Variants in UGT1A6 observed in about 807,000 individuals in gnomAD.
UGT1A6 encodes the protein UDP glucuronosyltransferase family 1 member A6.
In UGT1A6, 32 loss-of-function variants were observed where a neutral mutation model predicts 44.4. That is an observed-to-expected ratio of 0.72 (90% CI 0.54 to 0.97). UGT1A6 has a LOEUF of 0.97. UGT1A6 is among the 50% of genes least tolerant of loss of function. The probability of loss-of-function intolerance (pLI) is 0.00; values close to 1 mark genes in which losing one functional copy is unlikely to be tolerated. For missense variants in UGT1A6, 685 were observed against 661.9 expected (o/e 1.03, Z -0.38); for synonymous variants, 238 against 248.5 (o/e 0.96, Z 0.40).
intron 1 of UGT1A6, among the ~76,000 whole-genome samples, chr2:233,761,379 G>A (rs1697758727): frequency 6.6e-6 from 1 of 152,206 alleles, no homozygotes; most frequent in African/African-American, 2.4e-5. Context: ...ATTTTACTCT[G>A]TGTGCTCCAG....
intron 1 of UGT1A6, chr2:233,722,037 T>C (rs1179266679): frequency 1.2e-5 from 3 of 240,304 alleles, no homozygotes; most frequent in African/African-American, 2.3e-5. Flanking sequence ...AATTGCATGA[T>C]TTTGTGGTGT....
chr2:233,693,783 T>C lies in UGT1A6; in HGVS notation c.779T>C (p.Val260Ala), dbSNP rs1575450823. The C allele has an allele frequency of 6.2e-7, 1 of 1,614,230 alleles. No homozygotes were observed. The highest frequency in any genetic ancestry group is 1.7e-5 in the Admixed American group (1 of 60,024). Residue 260 changes from valine to alanine, a missense_variant, in exon 1 of 5, where the codon GTG becomes GCG. Coordinates refer to ENST00000305139, the MANE Select transcript of UGT1A6 (RefSeq NM_001072.4). ...GTTTGGCTGTTAAGATATGACTTTG[T>C]GCTTGAATATCCTAGGCCGGTCATG... ...VSVWLLRYDF[V>A]LEYPRPVMPN...
intron 1 of UGT1A6, among the ~76,000 whole-genome samples, chr2:233,761,459 C>T (rs974462920): frequency 3.9e-5 from 6 of 152,156 alleles, no homozygotes; most frequent in African/African-American, 1.4e-4. Context: ...TTTGGGGCAC[C>T]CTGCAGAAAA....
chr2:233,737,046 A>C (rs1237112865), intron 1 of UGT1A6, among the ~76,000 whole-genome samples: 1 of 152,204 alleles, frequency 6.6e-6, no homozygotes, highest in Non-Finnish European at 1.5e-5. Context: ...CAAATGCCAT[A>C]CTAGGAGAAC....
At chr2:233,754,017 T>C (rs1254861079) in intron 1 of UGT1A6, among the ~76,000 whole-genome samples, 1 of 152,250 alleles carries the variant, frequency 6.6e-6, no homozygotes, top group African/African-American at 2.4e-5. Flanking sequence ...ACAGCCATGA[T>C]AGGAAACGAA....
intron 1 of UGT1A6, chr2:233,721,879 C>T (rs2076978757): frequency 2.0e-6 from 1 of 493,898 alleles, no homozygotes; most frequent in South Asian, 1.5e-5. Flanking sequence ...ACTTGCCAGC[C>T]CCTCCATTGC....
chr2:233,753,976 G>A (rs531716097), intron 1 of UGT1A6, among the ~76,000 whole-genome samples: 12 of 152,206 alleles, frequency 7.9e-5, no homozygotes, highest in Non-Finnish European at 1.6e-4. Flanking sequence ...AACGTGTGTT[G>A]TTTTAAGCCA....
chr2:233,743,180 G>A, intron 1 of UGT1A6: 1 of 369,298 alleles, frequency 2.7e-6, no homozygotes, highest in East Asian at 7.3e-5. Context: ...GTCAAATGTG[G>A]ACTGGAATTA....
At chr2:233,736,043 T>C (rs984870391) in intron 1 of UGT1A6, among the ~76,000 whole-genome samples, 7 of 152,202 alleles carry the variant, frequency 4.6e-5, no homozygotes, top group South Asian at 2.1e-4. Context: ...TTTCCTGAAT[T>C]TGAATGTTGG....
In UGT1A6 at chr2:233,772,906, C is replaced by G; in HGVS notation, c.*347C>G. ...TTCAAAGGTGGTCCCACGGCTGCCCCTACTGCAAATGGCAGTTTTAATCTT... is the reference window on the plus strand; with the variant it reads ...TTCAAAGGTGGTCCCACGGCTGCCCGTACTGCAAATGGCAGTTTTAATCTT... On this transcript the variant is annotated 3_prime_UTR_variant, in exon 5 of 5. Coordinates refer to ENST00000305139, the MANE Select transcript of UGT1A6 (RefSeq NM_001072.4). 1 of 412,406 alleles carries G rather than the reference C, an allele frequency of 2.4e-6. No homozygotes were observed. The highest frequency in any genetic ancestry group is 2.8e-5 in the South Asian group (1 of 36,156). The allele number at this position is 412,406 out of a possible 1,614,324, so 25.5% of individuals were successfully genotyped here. A position where few individuals can be genotyped will look rare whatever the true frequency, so the allele number is the denominator to read the frequency against.
At chr2:233,747,940 T>C in intron 1 of UGT1A6, 1 of 1,613,178 alleles carries the variant, frequency 6.2e-7, no homozygotes, top group Non-Finnish European at 8.5e-7. Flanking sequence ...CAGAGGGAGG[T>C]GTCAGTGGTG....
intron 1 of UGT1A6, among the ~76,000 whole-genome samples, chr2:233,749,662 A>G (rs1433200566): frequency 2.0e-5 from 3 of 151,858 alleles, no homozygotes; most frequent in African/African-American, 7.3e-5. Flanking sequence ...TGTAATCCCC[A>G]TAATCCCCAC....
At chr2:233,712,888 TTGA>T in intron 1 of UGT1A6, 3 of 1,603,412 alleles carry the variant, frequency 1.9e-6, no homozygotes, top group Non-Finnish European at 2.6e-6. Context: ...CAATTACATG[TTGA>T]TTTGCTAGGT....
intron 1 of UGT1A6, among the ~76,000 whole-genome samples, chr2:233,704,007 C>G (rs915075630): frequency 6.6e-6 from 1 of 152,048 alleles, no homozygotes; most frequent in Non-Finnish European, 1.5e-5. Flanking sequence ...TCTCCCACCT[C>G]AGCCGCCCGA....
intron 1 of UGT1A6, chr2:233,713,950 C>A (rs1250435794): frequency 3.7e-6 from 6 of 1,608,844 alleles, no homozygotes; most frequent in Admixed American, 1.7e-5. Context: ...ATCTACTTAT[C>A]TTTCCAAAGA....
intron 1 of UGT1A6, among the ~76,000 whole-genome samples, chr2:233,749,634 C>A (rs1417032704): frequency 6.6e-6 from 1 of 151,820 alleles, no homozygotes; most frequent in East Asian, 1.9e-4. Context: ...GTATCCCCCA[C>A]CAAATCTCAT....
At chr2:233,729,574 T>C (rs774879716) in intron 1 of UGT1A6, 3 of 1,614,162 alleles carry the variant, frequency 1.9e-6, no homozygotes, top group Non-Finnish European at 1.7e-6. Flanking sequence ...TGATGTGGTT[T>C]TAACAGACCC....
Position 233,769,813 on chromosome 2 carries a change from C to A in UGT1A6, c.1301+1374C>A. 2.1e-6 allele frequency: 2 copies of A among 945,300 alleles called. No individual in the cohort carries two copies. The highest frequency in any genetic ancestry group is 2.9e-6 in the Non-Finnish European group (2 of 681,442). 58.6% of individuals were successfully genotyped at this position (945,300 alleles called of 1,614,324 possible). On this transcript the variant is annotated intron_variant, in intron 4 of 4. Coordinates refer to ENST00000305139, the MANE Select transcript of UGT1A6 (RefSeq NM_001072.4). This position sits in a 1 kb window ranked among gnomAD's most constrained non-coding sequence, Gnocchi z 4.4. ...GAGGCTGCTATGAGCCGTGATCATG[C>A]CACTGCACTCCAGCAACCTGGGCAA...
chr2:233,705,804 T>G (rs1381570843), intron 1 of UGT1A6, among the ~76,000 whole-genome samples: 1 of 152,110 alleles, frequency 6.6e-6, no homozygotes, highest in African/African-American at 2.4e-5. Flanking sequence ...GTTCAAAAAT[T>G]ATTAAGAATT....
Sources: allele counts gnomAD v4.1 joint callset (sites outside exome capture counted in the v4.1 genomes callset), GRCh38; gene constraint gnomAD v4.1.1; non-coding constraint Gnocchi (gnomAD v3.1); transcripts MANE v1.5; gene names NCBI Gene and HGNC (gene_info 2026-07-23, HGNC 2026-07-21).